The following TCF7L1 variants were observed in gnomAD, a reference collection of about 807,000 sequenced individuals.
The protein encoded by TCF7L1 is transcription factor 7 like 1, also known as transcription factor 7-like 1.
A neutral mutation model predicts 63.7 loss-of-function variants in TCF7L1; 18 were observed. The observed-to-expected ratio is 0.28, with a 90% CI of 0.20 to 0.42. TCF7L1 has a LOEUF of 0.42. TCF7L1 is among the 10% of genes least tolerant of loss of function. The pLI is 1.00. For synonymous variants in TCF7L1, 355 were observed against 340.9 expected (o/e 1.04, Z -0.46); for missense variants, 654 against 779.3 (o/e 0.84, Z 1.91).
intron 3 of TCF7L1, among the ~76,000 whole-genome samples, chr2:85,264,363 G>A (rs1301659341): frequency 6.6e-6 from 1 of 152,160 alleles, no homozygotes; most frequent in Admixed American, 6.5e-5. Flanking sequence ...ATTCAAATGG[G>A]CCACACCTAC....
At position 85,240,964 on chromosome 2, in the gene TCF7L1, AT is replaced by A. The variant is rs377224616; in HGVS notation, c.442-42527del. Among the ~76,000 whole-genome samples the A allele has an allele frequency of 7.1e-4, 108 of 152,310 alleles. 2 individuals are homozygous for A. The South Asian group carries it at 0.022, about 31-fold the overall frequency. Reference sequence around the variant, plus strand: ...TATGTGATGCTTTTTGTTAAGTTTTATTTTAATGGAAATATTAAATCTGTGC... The same window carrying A: ...TATGTGATGCTTTTTGTTAAGTTTTATTTAATGGAAATATTAAATCTGTGC... On this transcript the variant is annotated intron_variant, in intron 3 of 11. Coordinates refer to ENST00000282111, the MANE Select transcript of TCF7L1 (RefSeq NM_031283.3).
chr2:85,290,339 C>T (rs1297358805), intron 4 of TCF7L1, among the ~76,000 whole-genome samples: 2 of 151,902 alleles, frequency 1.3e-5, no homozygotes, highest in Middle Eastern at 3.2e-3. Context: ...GTGCGCTTTT[C>T]CCCCCATTTA....
Position 85,187,811 on chromosome 2 carries a change from T to C in TCF7L1, c.441+53361T>C, listed in dbSNP as rs78179407. 6.3e-3 allele frequency among the ~76,000 whole-genome samples: 957 copies of C among 152,350 alleles called. 11 individuals carry two copies. Among genetic ancestry groups the C allele is most frequent in the African/African-American group, 0.022 (918 of 41,570 alleles). On this transcript the variant is annotated intron_variant, in intron 3 of 11. Coordinates refer to ENST00000282111, the MANE Select transcript of TCF7L1 (RefSeq NM_031283.3). ...TGGCTCTTCTAGGGCCTTTCTCTTA[T>C]GTTCACAAGGAAACTTATACATGTG...
At chr2:85,139,354 C>G (rs1287753344) in intron 3 of TCF7L1, among the ~76,000 whole-genome samples, 1 of 152,182 alleles carries the variant, frequency 6.6e-6, no homozygotes, top group Non-Finnish European at 1.5e-5. Context: ...ACTTCTTCAA[C>G]TGAAGTCTAT....
chr2:85,300,353 CAAT>C (rs1254879462), intron 4 of TCF7L1, among the ~76,000 whole-genome samples: 1 of 152,124 alleles, frequency 6.6e-6, no homozygotes, highest in African/African-American at 2.4e-5. Flanking sequence ...TCTGATCTTA[CAAT>C]AATTTTTAAT....
At chr2:85,264,468 G>A (rs756427865) in intron 3 of TCF7L1, among the ~76,000 whole-genome samples, 21 of 152,296 alleles carry the variant, frequency 1.4e-4, no homozygotes, top group Non-Finnish European at 2.2e-4. Context: ...GATAGGAACT[G>A]GGGGCTCAGG....
chr2:85,181,739 G>A (rs1440294889), intron 3 of TCF7L1, among the ~76,000 whole-genome samples: 1 of 152,188 alleles, frequency 6.6e-6, no homozygotes, highest in East Asian at 1.9e-4. Context: ...TGGTTCCTTT[G>A]CACCTGTGTA....
At chr2:85,197,515 G>T (rs1187830474) in intron 3 of TCF7L1, among the ~76,000 whole-genome samples, 2 of 152,138 alleles carry the variant, frequency 1.3e-5, no homozygotes, top group Non-Finnish European at 2.9e-5. Flanking sequence ...GCGACTAAAG[G>T]CTATCCTAGG....
intron 3 of TCF7L1, among the ~76,000 whole-genome samples, chr2:85,255,052 A>G (rs1415861836): frequency 6.6e-6 from 1 of 152,188 alleles, no homozygotes; most frequent in Non-Finnish European, 1.5e-5. Context: ...GTGAAGCAGC[A>G]TACAGAGAGA....
chr2:85,143,264 A>G (rs527842533), intron 3 of TCF7L1, among the ~76,000 whole-genome samples: 2 of 152,380 alleles, frequency 1.3e-5, no homozygotes, highest in Admixed American at 1.3e-4. Context: ...CAAAAGAACA[A>G]CTATAAATGG....
chr2:85,305,465 A>C, intron 8 of TCF7L1, 62 bp downstream of exon 8: 1 of 1,539,938 alleles, frequency 6.5e-7, no homozygotes, highest in South Asian at 1.2e-5. Context: ...GGGTGGCCAC[A>C]CTCTGAGCAG....
At chr2:85,185,416 CTCAGCAACAT>C (rs1415778761) in intron 3 of TCF7L1, among the ~76,000 whole-genome samples, 3 of 152,094 alleles carry the variant, frequency 2.0e-5, no homozygotes, top group African/African-American at 7.2e-5. Context: ...TGCCACCACA[CTCAGCAACAT>C]CACGTCTTAC....
intron 3 of TCF7L1, among the ~76,000 whole-genome samples, chr2:85,217,456 C>T (rs62165583): frequency 0.18 from 27,491 of 152,194 alleles, 3,342 homozygotes; most frequent in Non-Finnish European, 0.27. Flanking sequence ...TCACTCACTA[C>T]TCATGTCGCA....
At chr2:85,301,782 T>C (rs1681983508) in intron 4 of TCF7L1, among the ~76,000 whole-genome samples, 2 of 152,174 alleles carry the variant, frequency 1.3e-5, no homozygotes, top group Admixed American at 1.3e-4. Context: ...GTCCCAGACT[T>C]GAACCTGAGA....
chr2:85,284,319 C>T (rs1201444142), intron 4 of TCF7L1, among the ~76,000 whole-genome samples: 1 of 152,154 alleles, frequency 6.6e-6, no homozygotes, highest in Admixed American at 6.5e-5. Flanking sequence ...CGAAGAGGCT[C>T]TTCTGTACAG....
intron 3 of TCF7L1, among the ~76,000 whole-genome samples, chr2:85,218,194 A>C (rs1408555820): frequency 6.6e-6 from 1 of 151,936 alleles, no homozygotes; most frequent in Non-Finnish European, 1.5e-5. Flanking sequence ...TTTTGATTTA[A>C]AATGTTCTGA....
At chr2:85,224,253 G>A (rs1209374253) in intron 3 of TCF7L1, among the ~76,000 whole-genome samples, 1 of 152,190 alleles carries the variant, frequency 6.6e-6, no homozygotes, top group Non-Finnish European at 1.5e-5. Flanking sequence ...AAACATACAT[G>A]TGCATATGTC....
At chr2:85,139,354 C>T (rs1287753344) in intron 3 of TCF7L1, among the ~76,000 whole-genome samples, 2 of 152,182 alleles carry the variant, frequency 1.3e-5, no homozygotes, top group Non-Finnish European at 2.9e-5. Flanking sequence ...ACTTCTTCAA[C>T]TGAAGTCTAT....
At chr2:85,272,652 G>A (rs1019098302) in intron 3 of TCF7L1, among the ~76,000 whole-genome samples, 2 of 151,984 alleles carry the variant, frequency 1.3e-5, no homozygotes, top group South Asian at 2.1e-4. Flanking sequence ...AAAATTAGCC[G>A]GGTGGTGTGG....
Sources: allele counts gnomAD v4.1 joint callset (sites outside exome capture counted in the v4.1 genomes callset), GRCh38; gene constraint gnomAD v4.1.1; transcripts MANE v1.5; gene names NCBI Gene and HGNC (gene_info 2026-07-23, HGNC 2026-07-21).